Variants in OSTN observed in about 807,000 individuals in gnomAD.
The protein encoded by OSTN is osteocrin.
In OSTN, 9 loss-of-function variants were observed where a neutral mutation model predicts 12.0. That is an observed-to-expected ratio of 0.75 (90% confidence interval 0.45 to 1.30). The LOEUF (loss-of-function observed/expected upper bound fraction) is 1.30. Among genes scored for constraint, OSTN ranks in the 50% most tolerant of loss-of-function variants. The pLI is 0.00. For missense variants in OSTN, 148 were observed against 152.3 expected (o/e 0.97, Z 0.15); for synonymous variants, 59 against 56.9 (o/e 1.04, Z -0.16).
intron 1 of OSTN, among the ~76,000 whole-genome samples, chr3:191,207,975 G>A (rs1468408639): frequency 6.6e-6 from 1 of 152,100 alleles, no homozygotes; most frequent in Non-Finnish European, 1.5e-5. Flanking sequence ...TGTTTATTCA[G>A]CAGAATTATT....
intron 3 of OSTN, among the ~76,000 whole-genome samples, chr3:191,232,330 C>CT (rs1715078404): frequency 3.3e-5 from 2 of 60,576 alleles, no homozygotes; most frequent in African/African-American, 2.2e-4. Flanking sequence ...GAGACTCTGT[C>CT]TAAAAAAAAA....
At chr3:191,250,157 C>T (rs1422993579) in intron 4 of OSTN, 24 bp downstream of exon 4, 2 of 1,465,704 alleles carry the variant, frequency 1.4e-6, no homozygotes, top group Non-Finnish European at 1.9e-6. Context: ...GAATAAGTAA[C>T]AGTATATGCA....
At position 191,263,924 on chromosome 3, in the gene OSTN, T is replaced by A. The variant is rs1715864502; in HGVS notation, c.*1071T>A. On this transcript the variant is annotated 3_prime_UTR_variant, in exon 5 of 5. Transcript: ENST00000682035. ...GTAGCTTGGACACATAGGTCCATTG[T>A]GCATTGGATATACTTTGAAAACACA... 1 of 148,688 alleles carries A rather than the reference T, an allele frequency of 6.7e-6. No homozygotes were observed. Among genetic ancestry groups the A allele is most frequent in the African/African-American group, 2.5e-5 (1 of 40,706 alleles). 9.2% of individuals were successfully genotyped at this position (148,688 alleles called of 1,614,324 possible). A position where few individuals can be genotyped will look rare whatever the true frequency, so the allele number is the denominator to read the frequency against.
rs142850318 is a variant in OSTN at position 191,242,008 on chromosome 3, T to TA, written c.318-8020dup. ...ATAGCAAAACAAATAGCAATGTATT[T>TA]AAAAAAAAATACCATTATCATGTTG... On this transcript the variant is annotated intron_variant, in intron 3 of 4. Transcript: ENST00000682035. 3.4e-4 allele frequency among the ~76,000 whole-genome samples: 52 copies of TA among 151,354 alleles called. No individual in the cohort carries two copies. In the East Asian group the frequency reaches 5.8e-3, roughly 17 times the overall value.
intron 2 of OSTN, among the ~76,000 whole-genome samples, chr3:191,214,436 CAAAAAAAAA>C (rs71298518): frequency 5.2e-5 from 1 of 19,346 alleles, no homozygotes; most frequent in African/African-American, 1.2e-4. Flanking sequence ...GACTCCATCT[CAAAAAAAAA>C]AAAAAAAAAA....
chr3:191,204,603 AAG>A (rs1173565404), intron 1 of OSTN, among the ~76,000 whole-genome samples: 4 of 152,366 alleles, frequency 2.6e-5, no homozygotes, highest in South Asian at 4.1e-4. Context: ...TCAATAAAAA[AAG>A]AGACCGCAAT....
At chr3:191,261,441 A>G (rs1476140745) in intron 4 of OSTN, among the ~76,000 whole-genome samples, 1 of 152,190 alleles carries the variant, frequency 6.6e-6, no homozygotes, top group Non-Finnish European at 1.5e-5. Flanking sequence ...TAGCAAAGGT[A>G]GTCTTGTTAT....
chr3:191,250,213 C>T, intron 4 of OSTN, 80 bp downstream of exon 4: 1 of 1,072,092 alleles, frequency 9.3e-7, no homozygotes. Context: ...TCCATTCTTG[C>T]TTATAAATCC....
In OSTN at chr3:191,232,245, C is replaced by T. The variant is rs562320091; in HGVS notation, c.317+13284C>T. The stretch of plus-strand genomic sequence containing the variant: ...ACTCGGGAGGCTGAGGCATGAGAAT[C>T]GCTTGAACACGTGGGAGGCGGAGGT... On this transcript the variant is annotated intron_variant, in intron 3 of 4. Coordinates refer to ENST00000682035, the MANE Select transcript of OSTN (RefSeq NM_198184.2). 6.1e-5 allele frequency among the ~76,000 whole-genome samples: 9 copies of T among 146,418 alleles called. 2 individuals carry two copies. Among genetic ancestry groups the T allele is most frequent in the African/African-American group, 2.0e-4 (8 of 39,306 alleles).
At chr3:191,251,740 T>A (rs888747931) in intron 4 of OSTN, among the ~76,000 whole-genome samples, 3 of 152,210 alleles carry the variant, frequency 2.0e-5, no homozygotes, top group African/African-American at 7.2e-5. Flanking sequence ...TTAATCAGCA[T>A]CATCTTCAAA....
chr3:191,251,294 C>A (rs930110813), intron 4 of OSTN, among the ~76,000 whole-genome samples: 1 of 152,124 alleles, frequency 6.6e-6, no homozygotes, highest in Non-Finnish European at 1.5e-5. Context: ...CATACATATC[C>A]TTTAAACACT....
chr3:191,246,282 A>G lies in OSTN; in HGVS notation c.318-3755A>G, dbSNP rs1047524519. On this transcript the variant is annotated intron_variant, in intron 3 of 4. Transcript: ENST00000682035. The stretch of plus-strand genomic sequence containing the variant: ...TTGTTGGCAGAACTCAGTTCCTTAC[A>G]GTGGCAGGACCAAGATCCCCATTTG... Among the ~76,000 whole-genome samples, 3 of 151,476 alleles carry G rather than the reference A, an allele frequency of 2.0e-5. No homozygotes were observed. In the Admixed American group the frequency reaches 2.0e-4, roughly 10 times the overall value.
chr3:191,248,547 A>T (rs763068855), intron 3 of OSTN, among the ~76,000 whole-genome samples: 13 of 151,522 alleles, frequency 8.6e-5, no homozygotes, highest in South Asian at 2.1e-4. Context: ...TCTGAAGCAA[A>T]TATTTTCTTG....
At chr3:191,237,002 G>A (rs1194726566) in intron 3 of OSTN, among the ~76,000 whole-genome samples, 4 of 152,114 alleles carry the variant, frequency 2.6e-5, no homozygotes, top group East Asian at 3.8e-4. Flanking sequence ...CTCCAAGGCC[G>A]TGACTTTCCA....
At chr3:191,219,038 A>G in intron 3 of OSTN, 77 bp downstream of exon 3, 3 of 1,309,134 alleles carry the variant, frequency 2.3e-6, no homozygotes, top group Non-Finnish European at 3.2e-6. Context: ...AGAATTCCAC[A>G]TGAAAAATAC....
intron 1 of OSTN, among the ~76,000 whole-genome samples, chr3:191,201,776 G>T (rs148771394): frequency 2.6e-5 from 4 of 151,978 alleles, no homozygotes; most frequent in Admixed American, 6.6e-5. Flanking sequence ...AATTTTGTTC[G>T]TTAAAATGAA....
chr3:191,223,930 T>C (rs1205858149), intron 3 of OSTN, among the ~76,000 whole-genome samples: 1 of 152,002 alleles, frequency 6.6e-6, no homozygotes, highest in Non-Finnish European at 1.5e-5. Context: ...TTTTCTGTAT[T>C]TGAGAGATGC....
chr3:191,263,679 T>G lies in OSTN; in HGVS notation c.*826T>G, dbSNP rs759736331. 18 of 152,134 alleles carry G rather than the reference T, an allele frequency of 1.2e-4. No homozygotes were observed. The highest frequency in any genetic ancestry group is 2.5e-4 in the Non-Finnish European group (17 of 68,004). The allele number at this position is 152,134 out of a possible 1,614,324, so 9.4% of individuals were successfully genotyped here. On this transcript the variant is annotated 3_prime_UTR_variant, in exon 5 of 5. Coordinates refer to ENST00000682035, the MANE Select transcript of OSTN (RefSeq NM_198184.2). ...CTTCAGCATAGTACAATGTGATCTTTTTGATATCTTGGATTAATCTAAGAA... is the reference window on the plus strand; with the variant it reads ...CTTCAGCATAGTACAATGTGATCTTGTTGATATCTTGGATTAATCTAAGAA...
intron 3 of OSTN, among the ~76,000 whole-genome samples, chr3:191,244,047 GC>G (rs774627144): frequency 9.2e-5 from 14 of 152,070 alleles, no homozygotes; most frequent in Non-Finnish European, 1.6e-4. Flanking sequence ...TAGTGGTAAT[GC>G]TCTATTTCTT....
Sources: allele counts gnomAD v4.1 joint callset (sites outside exome capture counted in the v4.1 genomes callset), GRCh38; gene constraint gnomAD v4.1.1; transcripts MANE v1.5; gene names NCBI Gene and HGNC (gene_info 2026-07-23, HGNC 2026-07-21).